KCTD16: variants seen among roughly 807,000 people sequenced by gnomAD.
The protein encoded by KCTD16 is BTB/POZ domain-containing protein KCTD16.
Under a neutral mutation model 33.2 loss-of-function variants are expected in KCTD16, and 13 were observed. The observed-to-expected ratio is 0.39, with a 90% CI of 0.25 to 0.62. The LOEUF is 0.62. Among genes scored for constraint, KCTD16 ranks in the 20% least tolerant of loss-of-function variants. The pLI, the probability that KCTD16 is intolerant of heterozygous loss-of-function variation, is 0.50. For synonymous variants in KCTD16, 197 were observed against 195.3 expected (o/e 1.01, Z -0.07); for missense variants, 441 against 525.1 (o/e 0.84, Z 1.57).
intron 3 of KCTD16, among the ~76,000 whole-genome samples, chr5:144,304,351 A>G (rs1751532400): frequency 6.6e-6 from 1 of 152,156 alleles, no homozygotes; most frequent in Admixed American, 6.5e-5. Flanking sequence ...ACTTAGCTTT[A>G]GTCTGACTCT....
intron 3 of KCTD16, among the ~76,000 whole-genome samples, chr5:144,345,757 A>T (rs1284088526): frequency 6.6e-6 from 1 of 152,160 alleles, no homozygotes; most frequent in Non-Finnish European, 1.5e-5. Flanking sequence ...TTTGGGGTAC[A>T]TGAGATGCTT....
chr5:144,240,186 AT>A (rs1754363603), intron 3 of KCTD16, among the ~76,000 whole-genome samples: 1 of 152,176 alleles, frequency 6.6e-6, no homozygotes, highest in African/African-American at 2.4e-5. Context: ...TCTAAAGTCC[AT>A]GGCATTTGCC....
chr5:144,224,387 T>G (rs1753863370), intron 3 of KCTD16, among the ~76,000 whole-genome samples: 1 of 145,638 alleles, frequency 6.9e-6, no homozygotes, highest in African/African-American at 2.6e-5. Flanking sequence ...TAATGTGTTT[T>G]TTTTTTTTTT....
At chr5:144,372,490 G>C (rs1240435225) in intron 3 of KCTD16, among the ~76,000 whole-genome samples, 1 of 152,122 alleles carries the variant, frequency 6.6e-6, no homozygotes, top group East Asian at 1.9e-4. Flanking sequence ...TCCATAAGCT[G>C]GTAATCATAA....
In KCTD16 at chr5:144,314,911, T is replaced by C. The variant is rs181582546; in HGVS notation, c.832+107365T>C. 5.3e-5 allele frequency among the ~76,000 whole-genome samples: 8 copies of C among 152,290 alleles called. No homozygotes were observed. The East Asian group carries it at 1.5e-3, about 29-fold the overall frequency. On this transcript the variant is annotated intron_variant, in intron 3 of 3. Coordinates refer to ENST00000512467, the MANE Select transcript of KCTD16 (RefSeq NM_020768.4). The stretch of plus-strand genomic sequence containing the variant: ...TATTTACTCCTCAGTCTCACTTTAC[T>C]GGTCAGACTTCTGTCCTGCTGAAGC...
At chr5:144,226,461 G>A (rs986835974) in intron 3 of KCTD16, among the ~76,000 whole-genome samples, 16 of 152,068 alleles carry the variant, frequency 1.1e-4, no homozygotes, top group African/African-American at 3.9e-4. Context: ...AGAACAATCT[G>A]TGGAATATAG....
rs117180053 is a variant in KCTD16 at position 144,368,649 on chromosome 5, A to G, written c.833-105011A>G. 3.8e-4 allele frequency among the ~76,000 whole-genome samples: 58 copies of G among 152,312 alleles called. 1 individual carries two copies. In the East Asian group the frequency reaches 0.011, roughly 29 times the overall value. ...GAGACTCAGAGTAGAGAACCCAGCTAAGCTACACTGGACCTGGAGTTCTGA... is the reference window on the plus strand; with the variant it reads ...GAGACTCAGAGTAGAGAACCCAGCTGAGCTACACTGGACCTGGAGTTCTGA... On this transcript the variant is annotated intron_variant, in intron 3 of 3. Transcript: ENST00000512467.
In KCTD16 at chr5:144,185,754, A is replaced by C. The variant is rs193130615; in HGVS notation, c.-327+11282A>C. On this transcript the variant is annotated intron_variant, in intron 2 of 3. Transcript: ENST00000512467. ...TAAATACATGAGTGAAATTACTAAGATTAAAAAAAAACCCCTTTCTTGTCA... is the reference window on the plus strand; with the variant it reads ...TAAATACATGAGTGAAATTACTAAGCTTAAAAAAAAACCCCTTTCTTGTCA... 2.6e-5 allele frequency among the ~76,000 whole-genome samples: 4 copies of C among 152,296 alleles called. No homozygotes were observed. The East Asian group carries it at 7.7e-4, about 29-fold the overall frequency.
At chr5:144,259,247 G>C (rs1188710806) in intron 3 of KCTD16, among the ~76,000 whole-genome samples, 1 of 102,504 alleles carries the variant, frequency 9.8e-6, no homozygotes, top group Non-Finnish European at 1.7e-5. Context: ...GACAGAGCGA[G>C]ACTCCATCTC....
At chr5:144,292,307 A>C (rs949835126) in intron 3 of KCTD16, among the ~76,000 whole-genome samples, 8 of 152,208 alleles carry the variant, frequency 5.3e-5, no homozygotes, top group Non-Finnish European at 1.0e-4. Flanking sequence ...AACCCAGGAT[A>C]CTATTGAGCA....
At chr5:144,191,474 TC>T in intron 2 of KCTD16, among the ~76,000 whole-genome samples, 1 of 150,978 alleles carries the variant, frequency 6.6e-6, no homozygotes, top group South Asian at 2.1e-4. Flanking sequence ...ACATATTTTT[TC>T]AACCACTTTT....
At chr5:144,345,210 T>TG (rs1752762703) in intron 3 of KCTD16, among the ~76,000 whole-genome samples, 1 of 29,732 alleles carries the variant, frequency 3.4e-5, no homozygotes, top group Non-Finnish European at 7.2e-5. Flanking sequence ...TGTTGTGGGG[T>TG]GGGGGAGGGG....
At chr5:144,240,461 C>A (rs530083002) in intron 3 of KCTD16, among the ~76,000 whole-genome samples, 2 of 152,218 alleles carry the variant, frequency 1.3e-5, no homozygotes, top group African/African-American at 4.8e-5. Context: ...TACAGAGTCC[C>A]TGTATTACCC....
At chr5:144,268,315 C>T (rs538012542) in intron 3 of KCTD16, among the ~76,000 whole-genome samples, 1 of 152,200 alleles carries the variant, frequency 6.6e-6, no homozygotes, top group South Asian at 2.1e-4. Flanking sequence ...CTACACATCG[C>T]GCTATTGTTG....
At chr5:144,408,048 G>A (rs1170290687) in intron 3 of KCTD16, among the ~76,000 whole-genome samples, 2 of 152,192 alleles carry the variant, frequency 1.3e-5, no homozygotes, top group Non-Finnish European at 2.9e-5. Flanking sequence ...TAATCCTTTG[G>A]ATATATACCC....
At chr5:144,384,711 C>T (rs1383505605) in intron 3 of KCTD16, among the ~76,000 whole-genome samples, 1 of 152,084 alleles carries the variant, frequency 6.6e-6, no homozygotes, top group Non-Finnish European at 1.5e-5. Flanking sequence ...ACTATTATTT[C>T]TTTAATGTAG....
intron 2 of KCTD16, among the ~76,000 whole-genome samples, chr5:144,195,874 C>T (rs796541322): frequency 7.2e-5 from 11 of 152,258 alleles, no homozygotes; most frequent in African/African-American, 2.6e-4. Context: ...AATGACTTTG[C>T]TTTTGGTTGC....
At chr5:144,311,670 C>A (rs1751769662) in intron 3 of KCTD16, among the ~76,000 whole-genome samples, 1 of 152,094 alleles carries the variant, frequency 6.6e-6, no homozygotes, top group South Asian at 2.1e-4. Flanking sequence ...ATGATATATT[C>A]TGTCATAAAC....
intron 3 of KCTD16, among the ~76,000 whole-genome samples, chr5:144,465,185 C>CCG (rs1754295753): frequency 9.9e-6 from 1 of 100,528 alleles, no homozygotes; most frequent in African/African-American, 3.9e-5. Context: ...TCTCTCTCCC[C>CCG]CCCCTCTCTC....
Sources: gnomAD v4.1 joint callset for allele counts (sites outside exome capture counted in the v4.1 genomes callset) on GRCh38, gnomAD v4.1.1 for gene constraint, MANE v1.5 for transcripts, NCBI Gene and HGNC (gene_info 2026-07-23, HGNC 2026-07-21) for gene names.